Variants in TPRG1 observed in about 807,000 individuals in gnomAD.
The protein encoded by TPRG1 is tumor protein p63-regulated gene 1 protein.
In TPRG1, 29 loss-of-function variants were observed where a neutral mutation model predicts 29.3. That is an observed-to-expected ratio of 0.99 (90% CI 0.74 to 1.35). The LOEUF (loss-of-function observed/expected upper bound fraction) is 1.35. TPRG1 is among the 40% of genes most tolerant of loss of function. The pLI is 0.00. For missense variants in TPRG1, 327 were observed against 335.0 expected, an observed-to-expected ratio of 0.98 and a Z score of 0.19; for synonymous variants, 130 against 116.8, an observed-to-expected ratio of 1.11 and a Z score of -0.73.
intron 1 of TPRG1, among the ~76,000 whole-genome samples, chr3:189,119,173 A>C (rs982341873): frequency 6.6e-6 from 1 of 152,192 alleles, no homozygotes; most frequent in African/African-American, 2.4e-5. Flanking sequence ...AAAAGAGATA[A>C]TTTTGGAACT....
chr3:189,202,771 G>A (rs1380894672), intron 1 of TPRG1, among the ~76,000 whole-genome samples: 6 of 152,116 alleles, frequency 3.9e-5, no homozygotes, highest in Non-Finnish European at 5.9e-5. Context: ...AGCCTGCAGC[G>A]CTCGCTGTGG....
intron 4 of TPRG1, among the ~76,000 whole-genome samples, chr3:189,046,503 T>C (rs749270688): frequency 6.6e-6 from 1 of 152,166 alleles, no homozygotes; most frequent in Admixed American, 6.6e-5. Context: ...ATGCAGAGAA[T>C]TCTTTAAGTT....
intron 4 of TPRG1, among the ~76,000 whole-genome samples, chr3:189,033,058 T>A (rs1714026658): frequency 6.6e-6 from 1 of 152,092 alleles, no homozygotes; most frequent in Non-Finnish European, 1.5e-5. Context: ...AGAAAGATAA[T>A]GTCTCTTTAG....
At position 189,213,692 on chromosome 3, in the gene TPRG1, C is replaced by T. The variant is rs1316591949; in HGVS notation, c.211-1600C>T. Among the ~76,000 whole-genome samples, 3 of 152,246 alleles carry T rather than the reference C, an allele frequency of 2.0e-5. No individual in the cohort carries two copies. The East Asian group carries it at 5.8e-4, about 29-fold the overall frequency. On this transcript the variant is annotated intron_variant, in intron 2 of 5. Coordinates refer to ENST00000345063, the MANE Select transcript of TPRG1 (RefSeq NM_198485.4). ...CCAATGTTAATAGTTTCTATATATC[C>T]TTTAAGAGTTACTTTAGGCATATAG...
At chr3:189,279,485 C>T (rs1249390269) in intron 4 of TPRG1, among the ~76,000 whole-genome samples, 1 of 152,126 alleles carries the variant, frequency 6.6e-6, no homozygotes, top group East Asian at 1.9e-4. Context: ...GATTGTAGCT[C>T]TATAATTATC....
rs1406638697 is a variant in TPRG1 at position 189,211,167 on chromosome 3, T to C, written c.210+3573T>C. Among the ~76,000 whole-genome samples, 5 of 152,282 alleles carry C rather than the reference T, an allele frequency of 3.3e-5. No homozygotes were observed. The East Asian group carries it at 9.6e-4, about 29-fold the overall frequency. ...TGCCAACTATTATTTCCCATTTCAA[T>C]AACATACTTCCATAATCTAATTTTT... On this transcript the variant is annotated intron_variant, in intron 2 of 5. Coordinates refer to ENST00000345063, the MANE Select transcript of TPRG1 (RefSeq NM_198485.4).
chr3:189,308,909 A>G (rs564689855), intron 4 of TPRG1, among the ~76,000 whole-genome samples: 1 of 152,190 alleles, frequency 6.6e-6, no homozygotes, highest in Non-Finnish European at 1.5e-5. Flanking sequence ...GCCAGAAAAA[A>G]AAGAGCTGGG....
intron 3 of TPRG1, among the ~76,000 whole-genome samples, chr3:189,141,642 A>G (rs2108568766): frequency 6.6e-6 from 1 of 152,342 alleles, no homozygotes; most frequent in South Asian, 2.1e-4. Flanking sequence ...TGCTCTGAGC[A>G]CTTTGAGAAG....
At chr3:189,012,692 T>C (rs1712668794) in intron 3 of TPRG1, among the ~76,000 whole-genome samples, 1 of 152,134 alleles carries the variant, frequency 6.6e-6, no homozygotes. Flanking sequence ...GGTCTATTCA[T>C]GGATTCAATT....
In TPRG1 at chr3:189,117,684, G is replaced by T. The variant is rs1048379170; in HGVS notation, c.-743-9373G>T. Among the ~76,000 whole-genome samples the T allele has an allele frequency of 4.6e-5, 7 of 152,186 alleles. No individual in the cohort carries two copies. The South Asian group carries it at 1.4e-3, about 31-fold the overall frequency. On this transcript the variant is annotated intron_variant, in intron 1 of 6. Coordinates refer to the TPRG1 transcript ENST00000412373. ...TTGTGATAATGAGTGAGTCTCACAA[G>T]ATCTGATGGTTTGTTAAACATCTGG...
At chr3:189,298,563 T>A (rs1720323272) in intron 4 of TPRG1, among the ~76,000 whole-genome samples, 1 of 152,204 alleles carries the variant, frequency 6.6e-6, no homozygotes, top group African/African-American at 2.4e-5. Flanking sequence ...AAGTACTTCA[T>A]CAGTGGCATG....
At chr3:189,309,611 G>A (rs1292031743) in intron 4 of TPRG1, among the ~76,000 whole-genome samples, 1 of 151,996 alleles carries the variant, frequency 6.6e-6, no homozygotes, top group Non-Finnish European at 1.5e-5. Context: ...TCAGAAACAC[G>A]GTTTTGTTAT....
chr3:189,079,040 T>C (rs1717410452), intron 4 of TPRG1, among the ~76,000 whole-genome samples: 2 of 152,182 alleles, frequency 1.3e-5, no homozygotes, highest in Admixed American at 1.3e-4. Flanking sequence ...AGCATAGTGC[T>C]CACATCGCAT....
At chr3:189,154,851 A>G (rs1560494969) in intron 5 of TPRG1, among the ~76,000 whole-genome samples, 1 of 152,308 alleles carries the variant, frequency 6.6e-6, no homozygotes, top group East Asian at 1.9e-4. Flanking sequence ...TATTAGAAAG[A>G]AAAAATAAAT....
At chr3:189,160,352 G>T (rs1727307642) in intron 5 of TPRG1, among the ~76,000 whole-genome samples, 2 of 152,122 alleles carry the variant, frequency 1.3e-5, no homozygotes, top group Non-Finnish European at 2.9e-5. Context: ...TTTTTTGGCT[G>T]GGGAAAGATG....
At chr3:189,188,273 G>T (rs1355337871) in intron 1 of TPRG1, among the ~76,000 whole-genome samples, 5 of 152,146 alleles carry the variant, frequency 3.3e-5, no homozygotes, top group Non-Finnish European at 2.9e-5. Context: ...ATTCCCTTTG[G>T]CCAGGCATTT....
upstream of TPRG1, among the ~76,000 whole-genome samples, chr3:189,171,552 C>T (rs1175601956): frequency 6.6e-6 from 1 of 152,220 alleles, no homozygotes; most frequent in African/African-American, 2.4e-5. Flanking sequence ...ATTGTGTGTA[C>T]ATGTGTTTGT....
intron 3 of TPRG1, among the ~76,000 whole-genome samples, chr3:189,134,259 C>G (rs1723449331): frequency 6.6e-6 from 1 of 152,040 alleles, no homozygotes; most frequent in Non-Finnish European, 1.5e-5. Flanking sequence ...TTATGTTCTT[C>G]AGTATTCAGG....
intron 4 of TPRG1, among the ~76,000 whole-genome samples, chr3:189,048,667 C>T (rs1280883347): frequency 6.6e-6 from 1 of 152,074 alleles, no homozygotes; most frequent in East Asian, 1.9e-4. Context: ...GATTCAGCTC[C>T]AGACAGAGCA....
Sources: gnomAD v4.1 joint callset for allele counts (sites outside exome capture counted in the v4.1 genomes callset) on GRCh38, gnomAD v4.1.1 for gene constraint, MANE v1.5 for transcripts, NCBI Gene and HGNC (gene_info 2026-07-23, HGNC 2026-07-21) for gene names.